RPL14: variants seen among roughly 807,000 people sequenced by gnomAD.
RPL14 encodes the protein large ribosomal subunit protein eL14.
A neutral mutation model predicts 25.3 loss-of-function variants in RPL14; 4 were observed. The ratio of observed to expected loss-of-function variants is 0.16; its 90% confidence interval spans 0.08 to 0.36. The LOEUF (loss-of-function observed/expected upper bound fraction) is 0.36, where lower values mean the gene tolerates loss of function less well. RPL14 is among the 10% of genes least tolerant of loss of function. RPL14 has a pLI of 1.00. For synonymous variants in RPL14, 75 were observed against 89.8 expected (o/e 0.84, Z 0.93); for missense variants, 212 against 261.9 (o/e 0.81, Z 1.31).
chr3:40,460,612 G>A (rs1186411536), intron 3 of RPL14, among the ~76,000 whole-genome samples: 1 of 89,892 alleles, frequency 1.1e-5, no homozygotes, highest in Admixed American at 1.1e-4. Context: ...TGTTTTTTTT[G>A]AGGGTTTTTT....
chr3:40,461,518 G>C lies in RPL14; in HGVS notation c.300+12G>C, dbSNP rs371599804. 27 of 1,613,412 alleles carry C rather than the reference G, an allele frequency of 1.7e-5. No individual in the cohort carries two copies. Among genetic ancestry groups the C allele is most frequent in the Non-Finnish European group, 2.2e-5 (26 of 1,179,504 alleles). ...AAGCCAGAGAAAGGGTAATAACTTA[G>C]GGTCATTTGAATTCTGGTCCTTTCT... On this transcript the variant is annotated intron_variant, in intron 4 of 5. Coordinates refer to ENST00000396203, the MANE Select transcript of RPL14 (RefSeq NM_001034996.3).
At position 40,463,002 on chromosome 3, in the gene RPL14, C is replaced by T. The variant is rs1274258317; in HGVS notation, c.*770C>T. ...TGCAGTGGTGCGATCTCAGCTCCCT[C>T]CACCTTCCGGGTTCAAGTGATTCTC... On this transcript the variant is annotated 3_prime_UTR_variant, in exon 6 of 6. Transcript: ENST00000396203. 1.3e-5 allele frequency: 2 copies of T among 151,380 alleles called. No homozygotes were observed. Among genetic ancestry groups the T allele is most frequent in the Non-Finnish European group, 2.9e-5 (2 of 67,902 alleles). The allele number at this position is 151,380 out of a possible 1,614,324, so 9.4% of individuals were successfully genotyped here. A position where few individuals can be genotyped will look rare whatever the true frequency, so the allele number is the denominator to read the frequency against.
intron 3 of RPL14, among the ~76,000 whole-genome samples, chr3:40,459,560 A>G (rs1275661539): frequency 6.6e-6 from 1 of 152,078 alleles, no homozygotes; most frequent in Non-Finnish European, 1.5e-5. Context: ...ATAGTCAAAA[A>G]CTTGCTGTAT....
Position 40,463,534 on chromosome 3 carries a change from G to A in RPL14, c.*1302G>A, listed in dbSNP as rs1696980936. ...AAATTTTCTTATAAAAAGTAAACTA[G>A]GAAAATAGGGCAAGTATAAAAATTG... On this transcript the variant is annotated 3_prime_UTR_variant, in exon 6 of 6. Coordinates refer to ENST00000396203, the MANE Select transcript of RPL14 (RefSeq NM_001034996.3). 6.6e-6 allele frequency: 1 copy of A among 152,106 alleles called. No individual in the cohort carries two copies. Among genetic ancestry groups the A allele is most frequent in the African/African-American group, 2.4e-5 (1 of 41,428 alleles). 9.4% of individuals were successfully genotyped at this position (152,106 alleles called of 1,614,324 possible).
rs534160804 is a variant in RPL14, at chr3:40,467,684, A to G, written c.*5452A>G. On this transcript the variant is annotated 3_prime_UTR_variant, in exon 6 of 6. Transcript: ENST00000396203. The stretch of plus-strand genomic sequence containing the variant: ...GTCAAGTGCACACATAACCATAACA[A>G]TTCTTACTAATCTACCTCATTCTTT... The G allele has an allele frequency of 6.6e-6, 1 of 152,314 alleles. No individual in the cohort carries two copies. Among genetic ancestry groups the G allele is most frequent in the South Asian group, 2.1e-4 (1 of 4,826 alleles). 9.4% of individuals were successfully genotyped at this position (152,314 alleles called of 1,614,324 possible). A position where few individuals can be genotyped will look rare whatever the true frequency, so the allele number is the denominator to read the frequency against.
chr3:40,457,542 C>T (rs1026463284), intron 1 of RPL14, 68 bp downstream of exon 1: 4 of 1,332,648 alleles, frequency 3.0e-6, no homozygotes, highest in Non-Finnish European at 4.2e-6. Flanking sequence ...TTCCCGGACT[C>T]GCCGCTGGCG....
Position 40,458,155 on chromosome 3 carries a change from A to G in RPL14, c.105+164A>G, listed in dbSNP as rs1696874309. 5 of 632,174 alleles carry G rather than the reference A, an allele frequency of 7.9e-6. No homozygotes were observed. The East Asian group carries it at 1.4e-4, about 17-fold the overall frequency. The allele number at this position is 632,174 out of a possible 1,614,324, so 39.2% of individuals were successfully genotyped here. A position where few individuals can be genotyped will look rare whatever the true frequency, so the allele number is the denominator to read the frequency against. On this transcript the variant is annotated intron_variant, in intron 2 of 5. Coordinates refer to ENST00000396203, the MANE Select transcript of RPL14 (RefSeq NM_001034996.3). ...GGTACGGGTTTTAAGCACAGCCTGA[A>G]GTTAGCTATTAGTATTGAATTTCAG...
chr3:40,463,965 C>CAGAAT lies in RPL14; in HGVS notation c.*1735_*1736insAATAG, dbSNP rs1390826830. On this transcript the variant is annotated 3_prime_UTR_variant, in exon 6 of 6. Transcript: ENST00000396203. Reference sequence around the variant, plus strand: ...AAATACTACAAAGCTGTACATGAAACAGGATTACTTTTTTTTTTTTTTTTG... The same window carrying CAGAAT: ...AAATACTACAAAGCTGTACATGAAACAGAATAGGATTACTTTTTTTTTTTTTTTTG... 2 of 128,966 alleles carry CAGAAT rather than the reference C, an allele frequency of 1.6e-5. No individual in the cohort carries two copies. The highest frequency in any genetic ancestry group is 5.9e-5 in the African/African-American group (2 of 33,880). The allele number at this position is 128,966 out of a possible 1,614,324, so 8.0% of individuals were successfully genotyped here.
At chr3:40,458,865 A>G in intron 3 of RPL14, 129 bp downstream of exon 3, 1 of 715,362 alleles carries the variant, frequency 1.4e-6, no homozygotes, top group South Asian at 1.6e-5. Context: ...ATAGAAGTAG[A>G]CAGGGATTAT....
rs1696871620 is a variant in RPL14 at position 40,458,054 on chromosome 3, G to A, written c.105+63G>A. ...CATGTGCCCTGCAGATGGCAATAAT[G>A]AATTGTCTCGATGGCTGTGTAAGAT... On this transcript the variant is annotated intron_variant, in intron 2 of 5. Coordinates refer to ENST00000396203, the MANE Select transcript of RPL14 (RefSeq NM_001034996.3). 2.9e-6 allele frequency: 4 copies of A among 1,358,554 alleles called. No individual in the cohort carries two copies. The South Asian group carries it at 4.7e-5, about 16-fold the overall frequency. 84.2% of individuals were successfully genotyped at this position (1,358,554 alleles called of 1,614,324 possible). A position where few individuals can be genotyped will look rare whatever the true frequency, so the allele number is the denominator to read the frequency against.
chr3:40,461,750 T>G (rs1696939679), intron 5 of RPL14, 89 bp downstream of exon 5: 2 of 1,379,224 alleles, frequency 1.5e-6, no homozygotes, highest in South Asian at 2.6e-5. Context: ...GCCAGCTTCT[T>G]GGAAGCTTTC....
At position 40,464,805 on chromosome 3, in the gene RPL14, T is replaced by C. The variant is rs1270541307; in HGVS notation, c.*2573T>C. 2 of 230,618 alleles carry C rather than the reference T, an allele frequency of 8.7e-6. No homozygotes were observed. The highest frequency in any genetic ancestry group is 1.8e-5 in the Non-Finnish European group (2 of 111,314). The allele number at this position is 230,618 out of a possible 1,614,324, so 14.3% of individuals were successfully genotyped here. A position where few individuals can be genotyped will look rare whatever the true frequency, so the allele number is the denominator to read the frequency against. Reference sequence around the variant, plus strand: ...GGAGAAAACAATGTGTCAGGGTTTCTGGTTTGTACCTCTGGTTCATTGGTT... The same window carrying C: ...GGAGAAAACAATGTGTCAGGGTTTCCGGTTTGTACCTCTGGTTCATTGGTT... On this transcript the variant is annotated 3_prime_UTR_variant, in exon 6 of 6. Transcript: ENST00000396203.
In RPL14 at chr3:40,463,181, T is replaced by C. The variant is rs2125626477; in HGVS notation, c.*949T>C. ...TGTCTCGGCCTCCCAGAGCGGGGGATTATAGGCATGGGCCACTGCACTTGG... is the reference window on the plus strand; with the variant it reads ...TGTCTCGGCCTCCCAGAGCGGGGGACTATAGGCATGGGCCACTGCACTTGG... On this transcript the variant is annotated 3_prime_UTR_variant, in exon 6 of 6. Transcript: ENST00000396203. The C allele has an allele frequency of 6.6e-6, 1 of 151,940 alleles. No individual in the cohort carries two copies. Among genetic ancestry groups the C allele is most frequent in the African/African-American group, 2.4e-5 (1 of 41,382 alleles). 9.4% of individuals were successfully genotyped at this position (151,940 alleles called of 1,614,324 possible). A position where few individuals can be genotyped will look rare whatever the true frequency, so the allele number is the denominator to read the frequency against.
chr3:40,457,709 C>A, intron 1 of RPL14, 181 bp from the exon 2 acceptor site: 1 of 675,568 alleles, frequency 1.5e-6, no homozygotes, highest in Non-Finnish European at 2.5e-6. Flanking sequence ...GGGAACCGGG[C>A]TTAAGCTACT....
At chr3:40,459,639 A>G (rs1696901739) in intron 3 of RPL14, among the ~76,000 whole-genome samples, 1 of 152,042 alleles carries the variant, frequency 6.6e-6, no homozygotes, top group Non-Finnish European at 1.5e-5. Flanking sequence ...GTGGATCACG[A>G]GGTCAGGAGA....
chr3:40,461,892 A>C, intron 5 of RPL14, 47 bp from the exon 6 acceptor site: 2 of 1,545,436 alleles, frequency 1.3e-6, no homozygotes, highest in Non-Finnish European at 1.7e-6. Context: ...ATTGGATTTT[A>C]TTGTATGTAT....
At chr3:40,458,408 G>A (rs1039412393) in intron 2 of RPL14, 20 of 543,184 alleles carry the variant, frequency 3.7e-5, no homozygotes, top group Non-Finnish European at 6.2e-5. Flanking sequence ...GGTTTCTATG[G>A]GGTACTATAT....
At position 40,466,717 on chromosome 3, in the gene RPL14, C is replaced by T. The variant is rs1032853245; in HGVS notation, c.*4485C>T. 1 of 152,130 alleles carries T rather than the reference C, an allele frequency of 6.6e-6. No individual in the cohort carries two copies. The highest frequency in any genetic ancestry group is 1.5e-5 in the Non-Finnish European group (1 of 68,038). The allele number at this position is 152,130 out of a possible 1,614,324, so 9.4% of individuals were successfully genotyped here. A position where few individuals can be genotyped will look rare whatever the true frequency, so the allele number is the denominator to read the frequency against. ...AAGTGAGGACAGGATCTATCCTCAA[C>T]ACCTAGTGCAATTCTTTTTACACAT... is the stretch of plus-strand genomic sequence containing the variant. On this transcript the variant is annotated 3_prime_UTR_variant, in exon 6 of 6. Coordinates refer to ENST00000396203, the MANE Select transcript of RPL14 (RefSeq NM_001034996.3).
intron 3 of RPL14, 159 bp downstream of exon 3, chr3:40,458,895 C>T (rs1343235519): frequency 6.2e-6 from 4 of 641,080 alleles, no homozygotes; most frequent in African/African-American, 3.6e-5. Context: ...AAATGTCTTG[C>T]CTGCGCGTGA....
Sources: gnomAD v4.1 joint callset for allele counts (sites outside exome capture counted in the v4.1 genomes callset) on GRCh38, gnomAD v4.1.1 for gene constraint, MANE v1.5 for transcripts, NCBI Gene and HGNC (gene_info 2026-07-23, HGNC 2026-07-21) for gene names.